G6PC1: variants seen among roughly 807,000 people sequenced by gnomAD.
The protein encoded by G6PC1 is G-6-Pase.
A neutral mutation model predicts 30.4 loss-of-function variants in G6PC1; 23 were observed. The observed-to-expected ratio is 0.76, with a 90% CI of 0.55 to 1.07. G6PC1 has a LOEUF of 1.07. G6PC1 is among the 50% of genes least tolerant of loss of function. The pLI is 0.00. For missense variants in G6PC1, 391 were observed against 433.9 expected (o/e 0.90, Z 0.88); for synonymous variants, 163 against 175.6 (o/e 0.93, Z 0.57).
At chr17:42,909,030 A>G (rs961590440) in intron 3 of G6PC1, among the ~76,000 whole-genome samples, 9 of 151,882 alleles carry the variant, frequency 5.9e-5, no homozygotes, top group African/African-American at 1.9e-4. Context: ...TTTTAAAGAG[A>G]CAGGGGTCTT....
intron 3 of G6PC1, 125 bp from the exon 4 acceptor site, chr17:42,909,178 T>C (rs935358064): frequency 1.2e-6 from 1 of 809,934 alleles, no homozygotes; most frequent in Non-Finnish European, 2.2e-6. Flanking sequence ...GAGTACTGGC[T>C]TTAATTTACA....
Position 42,900,957 on chromosome 17 carries a change from G to C in G6PC1, c.81G>C (p.Gln27His), listed in dbSNP as rs371611000. The C allele has an allele frequency of 2.7e-4, 428 of 1,614,036 alleles. No individual in the cohort carries two copies. Among genetic ancestry groups the C allele is most frequent in the Non-Finnish European group, 3.5e-4 (414 of 1,180,026 alleles). ...HYLQVNYQDS[Q>H]DWFILVSVIA... ...TCCAGGTGAATTACCAAGACTCCCA[G>C]GACTGGTTCATCTTGGTGTCCGTGA... Residue 27 changes from glutamine (Q) to histidine (H), a missense_variant, in exon 1 of 5, where the codon CAG becomes CAC. Gln to His is a conservative substitution (Grantham distance 24, BLOSUM62 0). Transcript: ENST00000253801.
intron 1 of G6PC1, 150 bp downstream of exon 1, chr17:42,901,256 T>C: frequency 1.4e-6 from 1 of 732,820 alleles, no homozygotes; most frequent in South Asian, 1.5e-5. Context: ...TTGGATCATC[T>C]ACATAAAGGG....
At chr17:42,907,223 C>CTGTAA (rs1436177140) in intron 2 of G6PC1, among the ~76,000 whole-genome samples, 4 of 152,164 alleles carry the variant, frequency 2.6e-5, no homozygotes, top group African/African-American at 9.7e-5. Context: ...AATCTCCAGA[C>CTGTAA]TGTATTAAAC....
chr17:42,906,697 C>G (rs2056064046), intron 2 of G6PC1, among the ~76,000 whole-genome samples: 1 of 151,950 alleles, frequency 6.6e-6, no homozygotes. Context: ...TGGGCAAAAA[C>G]AATCAAACAA....
At chr17:42,907,471 T>G in intron 2 of G6PC1, 52 bp from the exon 3 acceptor site, 1 of 1,282,738 alleles carries the variant, frequency 7.8e-7, no homozygotes, top group Non-Finnish European at 1.1e-6. Context: ...ATGCACTGTC[T>G]CCCAGATGAG....
At chr17:42,909,839 G>T (rs999877326) in intron 4 of G6PC1, among the ~76,000 whole-genome samples, 1 of 151,870 alleles carries the variant, frequency 6.6e-6, no homozygotes, top group Admixed American at 6.6e-5. Flanking sequence ...CTCTTTTATA[G>T]GTTCAGAGTT....
chr17:42,913,543 G>T lies in G6PC1; in HGVS notation c.*2117G>T, dbSNP rs544700252. ...AAATGCATCCACAGGGGCACAGGCA[G>T]AGTTGAGCACATAAACGGAGGCCCA... On this transcript the variant is annotated 3_prime_UTR_variant, in exon 5 of 5. Transcript: ENST00000253801. Among the ~76,000 whole-genome samples, 1 of 152,206 alleles carries T rather than the reference G, an allele frequency of 6.6e-6. No individual in the cohort carries two copies. The highest frequency in any genetic ancestry group is 1.5e-5 in the Non-Finnish European group (1 of 68,040).
rs2151929168 is a variant in G6PC1, at chr17:42,901,092, C to T, written c.216C>T (p.Asn72=). The T allele has an allele frequency of 6.2e-7, 1 of 1,613,794 alleles. No individual in the cohort carries two copies. Among genetic ancestry groups the T allele is most frequent in the Non-Finnish European group, 8.5e-7 (1 of 1,179,678 alleles). Residue 72 remains asparagine, a synonymous_variant, in exon 1 of 5, where the codon AAC becomes AAT. Transcript: ENST00000253801. ...TAGCTGTGATTGGAGACTGGCTCAACCTCGTCTTTAAGTGGTAAGAACCAT... is the reference window on the plus strand; with the variant it reads ...TAGCTGTGATTGGAGACTGGCTCAATCTCGTCTTTAAGTGGTAAGAACCAT... ...LWVAVIGDWL[N]LVFKWILFGQ... is the part of the protein sequence containing the mutation.
In G6PC1 at chr17:42,907,468, G is replaced by A; in HGVS notation, c.341-55G>A. The A allele has an allele frequency of 3.2e-6, 4 of 1,242,888 alleles. No homozygotes were observed. In the South Asian group the frequency reaches 4.9e-5, roughly 15 times the overall value. The allele number at this position is 1,242,888 out of a possible 1,614,324, so 77.0% of individuals were successfully genotyped here. A position where few individuals can be genotyped will look rare whatever the true frequency, so the allele number is the denominator to read the frequency against. On this transcript the variant is annotated intron_variant, in intron 2 of 4. Coordinates refer to ENST00000253801, the MANE Select transcript of G6PC1 (RefSeq NM_000151.4). ...TGGGTGGCTGGGTAGATGATGCACT[G>A]TCTCCCAGATGAGGACCTTTTCACC...
At position 42,912,169 on chromosome 17, in the gene G6PC1, C is replaced by T. The variant is rs1393164721; in HGVS notation, c.*743C>T. The T allele has an allele frequency of 6.6e-6, 1 of 152,508 alleles. No individual in the cohort carries two copies. The highest frequency in any genetic ancestry group is 2.4e-5 in the African/African-American group (1 of 41,458). The allele number at this position is 152,508 out of a possible 1,614,324, so 9.4% of individuals were successfully genotyped here. ...CTTTAATTATATAGTAATGCACTCT[C>T]AGTAATGGGGGACCAGCTTAAGTAT... On this transcript the variant is annotated 3_prime_UTR_variant, in exon 5 of 5. Coordinates refer to ENST00000253801, the MANE Select transcript of G6PC1 (RefSeq NM_000151.4).
intron 1 of G6PC1, among the ~76,000 whole-genome samples, chr17:42,903,543 G>A (rs139937249): frequency 0.022 from 3,264 of 151,756 alleles, 121 homozygotes; most frequent in African/African-American, 0.074. Flanking sequence ...GTGAAACCCC[G>A]TCTCTACTAA....
intron 1 of G6PC1, 145 bp from the exon 2 acceptor site, chr17:42,903,785 CT>C (rs2056041632): frequency 1.4e-6 from 1 of 694,076 alleles, no homozygotes. Flanking sequence ...AAATATCTCC[CT>C]CTCACACTTC....
chr17:42,904,397 C>A (rs753578677), intron 2 of G6PC1, among the ~76,000 whole-genome samples: 1 of 152,176 alleles, frequency 6.6e-6, no homozygotes, highest in Non-Finnish European at 1.5e-5. Context: ...CCTGAGCTGA[C>A]CGTCCAATCC....
chr17:42,905,340 G>A (rs568024612), intron 2 of G6PC1, among the ~76,000 whole-genome samples: 4 of 149,454 alleles, frequency 2.7e-5, no homozygotes, highest in Admixed American at 6.7e-5. Flanking sequence ...CAGGAGAATC[G>A]CTTGAACCTG....
chr17:42,910,054 G>C (rs1317188104), intron 4 of G6PC1, among the ~76,000 whole-genome samples: 1 of 151,826 alleles, frequency 6.6e-6, no homozygotes, highest in Admixed American at 6.6e-5. Flanking sequence ...TAGCAGAGAC[G>C]GGGTTTCACC....
intron 3 of G6PC1, among the ~76,000 whole-genome samples, chr17:42,908,888 T>C (rs925847674): frequency 1.3e-5 from 2 of 151,480 alleles, no homozygotes; most frequent in Non-Finnish European, 2.9e-5. Context: ...ATTTTTTTTT[T>C]AGTAGAGATG....
In G6PC1 at chr17:42,912,303, T is replaced by C. The variant is rs72826982; in HGVS notation, c.*877T>C. ...CTGAATGGCTGCAGTGACCCAGATA[T>C]TGCACTAGGTCAAAACATTCAGGTA... On this transcript the variant is annotated 3_prime_UTR_variant, in exon 5 of 5. Transcript: ENST00000253801. 0.039 allele frequency: 5,916 copies of C among 152,390 alleles called. 151 individuals are homozygous for C. Among genetic ancestry groups the C allele is most frequent in the Non-Finnish European group, 0.058 (3,961 of 68,058 alleles). 9.4% of individuals were successfully genotyped at this position (152,390 alleles called of 1,614,324 possible). A position where few individuals can be genotyped will look rare whatever the true frequency, so the allele number is the denominator to read the frequency against.
At position 42,912,671 on chromosome 17, in the gene G6PC1, T is replaced by C. The variant is rs1175977779; in HGVS notation, c.*1245T>C. 1 of 150,556 alleles carries C rather than the reference T, an allele frequency of 6.6e-6. No homozygotes were observed. The highest frequency in any genetic ancestry group is 1.9e-4 in the East Asian group (1 of 5,142). The allele number at this position is 150,556 out of a possible 1,614,324, so 9.3% of individuals were successfully genotyped here. A position where few individuals can be genotyped will look rare whatever the true frequency, so the allele number is the denominator to read the frequency against. On this transcript the variant is annotated 3_prime_UTR_variant, in exon 5 of 5. Transcript: ENST00000253801. ...TTTTTTTTGAGACAGGGTCTCACTA[T>C]GTTGCCCAGGCTGCTCTTGAATTCC...
Sources: gnomAD v4.1 joint callset for allele counts (sites outside exome capture counted in the v4.1 genomes callset) on GRCh38, gnomAD v4.1.1 for gene constraint, MANE v1.5 for transcripts, NCBI Gene and HGNC (gene_info 2026-07-23, HGNC 2026-07-21) for gene names.